Variants in USH2A observed in about 807,000 individuals in gnomAD.
USH2A encodes Usher syndrome 2A (autosomal recessive, mild).
A neutral mutation model predicts 538.9 loss-of-function variants in USH2A; 443 were observed. That is an observed-to-expected ratio of 0.82 (90% CI 0.76 to 0.89). The LOEUF (loss-of-function observed/expected upper bound fraction) is 0.89. Ranked by LOEUF, USH2A falls within the 40% of genes least tolerant of loss-of-function variation. The pLI is 0.00. For synonymous variants in USH2A, 2,413 were observed against 2,273.5 expected (o/e 1.06, Z -1.75); for missense variants, 6,633 against 6,324.8 (o/e 1.05, Z -1.65).
intron 60 of USH2A, among the ~76,000 whole-genome samples, chr1:215,731,506 T>G (rs1659993802): frequency 6.6e-6 from 1 of 152,210 alleles, no homozygotes; most frequent in South Asian, 2.1e-4. Context: ...TCTCTCTGAA[T>G]AGCCAAATGG....
intron 61 of USH2A, among the ~76,000 whole-genome samples, chr1:215,715,785 A>G (rs980162642): frequency 2.1e-4 from 32 of 152,232 alleles, no homozygotes; most frequent in African/African-American, 7.5e-4. Context: ...TCCTTCATGT[A>G]ACAGTAGTTA....
At chr1:216,032,823 T>C (rs1669159023) in intron 32 of USH2A, among the ~76,000 whole-genome samples, 2 of 152,098 alleles carry the variant, frequency 1.3e-5, no homozygotes, top group Admixed American at 6.6e-5. Flanking sequence ...ACCTTGGCCT[T>C]ACCACTGCAA....
At chr1:216,355,312 A>AAAGAAAGAAAGAAAGAAAGAAAGG (rs1392580512) in intron 4 of USH2A, among the ~76,000 whole-genome samples, 48 of 28,096 alleles carry the variant, frequency 1.7e-3, no homozygotes, top group Middle Eastern at 0.014. Context: ...CTTCAAAAAG[A>AAAGAAAGAAAGAAAGAAAGAAAGG]AAGAAAGAAA....
rs142083059 is a variant in USH2A at position 215,941,611 on chromosome 1, G to A, written c.7121-6816C>T. On this transcript the variant is annotated intron_variant, in intron 37 of 71. Coordinates refer to ENST00000307340, the MANE Select transcript of USH2A (RefSeq NM_206933.4). The stretch of plus-strand genomic sequence containing the variant: ...AATACAACTATTTTATCACCAAAAC[G>A]TGTTTCCTTTTAAAGTTCTGGTAGA... 3.0e-3 allele frequency among the ~76,000 whole-genome samples: 454 copies of A among 152,164 alleles called. 2 individuals are homozygous for A. Among genetic ancestry groups the A allele is most frequent in the Non-Finnish European group, 4.8e-3 (325 of 68,004 alleles).
intron 3 of USH2A, among the ~76,000 whole-genome samples, chr1:216,406,730 A>G (rs1176497609): frequency 6.6e-6 from 1 of 152,152 alleles, no homozygotes; most frequent in East Asian, 1.9e-4. Context: ...TCTCATTTGC[A>G]GCTAATTCCT....
At position 216,285,789 on chromosome 1, in the gene USH2A, G is replaced by A. The variant is rs144718844; in HGVS notation, c.1971+3491C>T. On this transcript the variant is annotated intron_variant, in intron 11 of 71. Coordinates refer to ENST00000307340, the MANE Select transcript of USH2A (RefSeq NM_206933.4). ...CCTCTTGCATCAGCATGCCCTGGATGTAAGATATGGAGTCAAAGGAGATCA... is the reference window on the plus strand; with the variant it reads ...CCTCTTGCATCAGCATGCCCTGGATATAAGATATGGAGTCAAAGGAGATCA... Among the ~76,000 whole-genome samples, 101 of 152,356 alleles carry A rather than the reference G, an allele frequency of 6.6e-4. 2 individuals are homozygous for A. Among genetic ancestry groups the A allele is most frequent in the African/African-American group, 2.4e-3 (99 of 41,592 alleles).
At chr1:215,630,304 A>G (rs1215793268) in intron 70 of USH2A, 2 of 456,140 alleles carry the variant, frequency 4.4e-6, no homozygotes, top group Non-Finnish European at 8.8e-6. Flanking sequence ...GAACAGTTTT[A>G]AACACATTCC....
At chr1:216,181,607 G>A (rs1349826972) in intron 20 of USH2A, among the ~76,000 whole-genome samples, 2 of 152,102 alleles carry the variant, frequency 1.3e-5, no homozygotes, top group African/African-American at 4.8e-5. Context: ...CATGAAGAGA[G>A]AAGAGGATCC....
intron 9 of USH2A, among the ~76,000 whole-genome samples, chr1:216,299,643 C>T (rs1359889575): frequency 6.6e-6 from 1 of 152,012 alleles, no homozygotes; most frequent in Non-Finnish European, 1.5e-5. Context: ...GATAATTATA[C>T]ATCATTTGCA....
rs549611983 is a variant in USH2A, at chr1:215,773,734, A to G, written c.10939+6109T>C. 3.9e-4 allele frequency among the ~76,000 whole-genome samples: 59 copies of G among 152,142 alleles called. 1 individual carries two copies. Among genetic ancestry groups the G allele is most frequent in the Non-Finnish European group, 8.8e-5 (6 of 67,996 alleles). ...CACTTGCCTGGGATCTCACTAAGTG[A>G]TCCCTTTCGGAGCATCTCTGCCTAC... On this transcript the variant is annotated intron_variant, in intron 55 of 71. Transcript: ENST00000307340.
chr1:216,364,992 A>C lies in USH2A; in HGVS notation c.745T>G (p.Phe249Val), dbSNP rs948035162. 1.9e-6 allele frequency: 3 copies of C among 1,613,646 alleles called. No individual in the cohort carries two copies. Among genetic ancestry groups the C allele is most frequent in the African/African-American group, 1.3e-5 (1 of 74,928 alleles). The change falls in exon 4 of 72, where the codon TTT (phenylalanine) becomes GTT (valine). Residue 249 changes from phenylalanine (F) to valine (V), a missense_variant. Physicochemically the swap from Phe to Val is conservative, Grantham distance 50 (BLOSUM62 -1). Coordinates refer to ENST00000307340, the MANE Select transcript of USH2A (RefSeq NM_206933.4). The stretch of plus-strand genomic sequence containing the variant: ...CCTATTTGCACAGTACCAGATGCAA[A>C]ATCTGTAATTGAACCACTTAGAGTT... ...ARTLSGSITD[F>V]ASGTVQIGQS...
intron 21 of USH2A, among the ~76,000 whole-genome samples, chr1:216,106,675 C>T (rs78012935): frequency 0.025 from 3,777 of 151,260 alleles, 175 homozygotes; most frequent in African/African-American, 0.085. Flanking sequence ...TCCAATTCTG[C>T]CTTAATTTTT....
intron 32 of USH2A, among the ~76,000 whole-genome samples, chr1:216,038,398 T>C (rs2030094961): frequency 6.6e-6 from 1 of 152,060 alleles, no homozygotes; most frequent in South Asian, 2.1e-4. Flanking sequence ...TTCAGGAATG[T>C]TATAACAAGT....
chr1:216,247,078 G>A lies in USH2A; in HGVS notation c.2316C>T (p.Ala772=). 3 of 1,613,988 alleles carry A rather than the reference G, an allele frequency of 1.9e-6. No homozygotes were observed. The highest frequency in any genetic ancestry group is 2.5e-6 in the Non-Finnish European group (3 of 1,179,936). ...TGCAGGTGTCACACTGAAGTCCTTT[G>A]GCTTCTTTTTTGCACTCACACTGCC... ...HSGQCECKKE[A]KGLQCDTCRE... is the part of the protein sequence containing the mutation. The change falls in exon 13 of 72, where the codon GCC becomes GCT. Residue 772 remains alanine, a synonymous_variant. Transcript: ENST00000307340.
chr1:216,236,982 G>A (rs1283725964), intron 13 of USH2A, among the ~76,000 whole-genome samples: 2 of 152,062 alleles, frequency 1.3e-5, no homozygotes, highest in Non-Finnish European at 2.9e-5. Context: ...TGACAACTCT[G>A]ATTACATCTT....
chr1:215,763,568 T>C (rs112832566), intron 56 of USH2A, among the ~76,000 whole-genome samples: 391 of 152,246 alleles, frequency 2.6e-3, no homozygotes, highest in African/African-American at 9.3e-3. Flanking sequence ...GTGGGGAAGA[T>C]GGAAAGCCTT....
intron 32 of USH2A, among the ~76,000 whole-genome samples, chr1:216,023,053 G>A (rs1473410940): frequency 1.3e-5 from 2 of 152,110 alleles, no homozygotes; most frequent in African/African-American, 4.8e-5. Context: ...GTTTGCTGGA[G>A]GCAGAGATCA....
intron 35 of USH2A, among the ~76,000 whole-genome samples, chr1:215,983,200 G>T (rs779942121): frequency 2.0e-5 from 3 of 152,084 alleles, no homozygotes; most frequent in Non-Finnish European, 2.9e-5. Flanking sequence ...GACCCCAGGT[G>T]ATACACACGC....
intron 3 of USH2A, among the ~76,000 whole-genome samples, chr1:216,411,694 C>T (rs547205997): frequency 6.6e-6 from 1 of 152,212 alleles, no homozygotes; most frequent in East Asian, 1.9e-4. Flanking sequence ...CAGGAGGTAG[C>T]ACAATCACAT....
Sources: gnomAD v4.1 joint callset for allele counts (sites outside exome capture counted in the v4.1 genomes callset) on GRCh38, gnomAD v4.1.1 for gene constraint, MANE v1.5 for transcripts, NCBI Gene and HGNC (gene_info 2026-07-23, HGNC 2026-07-21) for gene names.